The following SPEF2 variants were observed in gnomAD, a reference collection of about 807,000 sequenced individuals.
The protein encoded by SPEF2 is sperm flagellar and cilia associated 2.
Under a neutral mutation model 224.6 loss-of-function variants are expected in SPEF2, and 187 were observed. The observed-to-expected ratio is 0.83, with a 90% CI of 0.74 to 0.94. SPEF2 has a LOEUF of 0.94. Ranked by LOEUF, SPEF2 falls within the 40% of genes least tolerant of loss-of-function variation. The pLI, the probability that SPEF2 is intolerant of heterozygous loss-of-function variation, is 0.00. For missense variants in SPEF2, 2,170 were observed against 2,135.6 expected, an observed-to-expected ratio of 1.02 and a Z score of -0.32; for synonymous variants, 715 against 707.3, an observed-to-expected ratio of 1.01 and a Z score of -0.17.
rs1748353741 is a variant in SPEF2 at position 35,652,546 on chromosome 5, C to G, written c.792-1994C>G. Among the ~76,000 whole-genome samples, 4 of 151,892 alleles carry G rather than the reference C, an allele frequency of 2.6e-5. No individual in the cohort carries two copies. In the South Asian group the frequency reaches 8.3e-4, roughly 32 times the overall value. On this transcript the variant is annotated intron_variant, in intron 6 of 36. Transcript: ENST00000356031. ...GACAGAATACAATCAAAGGTTGAGCCCCGGCTGATAAAATGATTGGAACTT... is the reference window on the plus strand; with the variant it reads ...GACAGAATACAATCAAAGGTTGAGCGCCGGCTGATAAAATGATTGGAACTT...
intron 3 of SPEF2, chr5:35,643,389 G>A (rs1261762405): frequency 1.7e-5 from 7 of 422,312 alleles, no homozygotes; most frequent in Admixed American, 1.6e-4. Flanking sequence ...AAGGACTTTG[G>A]AGATGAGGAA....
chr5:35,644,716 AC>A (rs1747104226), intron 4 of SPEF2, among the ~76,000 whole-genome samples, 191 bp downstream of exon 4: 1 of 151,442 alleles, frequency 6.6e-6, no homozygotes, highest in South Asian at 2.1e-4. Context: ...ACTCTTGCTG[AC>A]TCTCACCTCT....
intron 23 of SPEF2, among the ~76,000 whole-genome samples, chr5:35,751,048 T>C (rs1311745508): frequency 1.0e-3 from 62 of 59,172 alleles, no homozygotes; most frequent in African/African-American, 1.5e-3. Flanking sequence ...CATATGTATA[T>C]ATATATACGT....
At chr5:35,625,768 G>A (rs1254839129) in intron 1 of SPEF2, among the ~76,000 whole-genome samples, 1 of 152,138 alleles carries the variant, frequency 6.6e-6, no homozygotes, top group Non-Finnish European at 1.5e-5. Flanking sequence ...AGAGCACCCT[G>A]GGTGGCACAT....
In SPEF2 at chr5:35,692,721, C is replaced by T. The variant is rs1754702448; in HGVS notation, c.1896C>T (p.Ser632=). The change falls in exon 12 of 37, where the codon AGC becomes AGT. Residue 632 remains serine, a synonymous_variant. Coordinates refer to ENST00000356031, the MANE Select transcript of SPEF2 (RefSeq NM_024867.4). ...LPVLQEEIKE[S]QDPQHVFSAG... is the part of the protein sequence containing the mutation. ...TTCTGCAAGAGGAGATTAAAGAAAG[C>T]CAGGCAAGTGTGATTCTAGTTTTCT... is the stretch of plus-strand genomic sequence containing the variant. 1 of 1,611,136 alleles carries T rather than the reference C, an allele frequency of 6.2e-7. No individual in the cohort carries two copies. The highest frequency in any genetic ancestry group is 8.5e-7 in the Non-Finnish European group (1 of 1,179,206).
At position 35,714,197 on chromosome 5, in the gene SPEF2, G is replaced by C. The variant is rs530992448; in HGVS notation, c.2914+1311G>C. 2.0e-5 allele frequency among the ~76,000 whole-genome samples: 3 copies of C among 150,648 alleles called. No individual in the cohort carries two copies. In the South Asian group the frequency reaches 6.3e-4, roughly 31 times the overall value. ...TACTTTGTTCTAAATTGTATCTCATGCAAGGGATTTTAATTCTTATGACTT... is the reference window on the plus strand; with the variant it reads ...TACTTTGTTCTAAATTGTATCTCATCCAAGGGATTTTAATTCTTATGACTT... On this transcript the variant is annotated intron_variant, in intron 20 of 36. Coordinates refer to ENST00000356031, the MANE Select transcript of SPEF2 (RefSeq NM_024867.4).
intron 12 of SPEF2, 30 bp downstream of exon 12, chr5:35,692,754 G>A (rs187572299): frequency 1.1e-4 from 174 of 1,597,226 alleles, no homozygotes; most frequent in Middle Eastern, 6.7e-4. Flanking sequence ...TCTCTTCTGC[G>A]CCTAGTACAT....
chr5:35,618,756 G>T (rs1743025518), intron 1 of SPEF2, among the ~76,000 whole-genome samples: 1 of 152,096 alleles, frequency 6.6e-6, no homozygotes, highest in Non-Finnish European at 1.5e-5. Flanking sequence ...TAACCATGCA[G>T]TTGCCACCCA....
chr5:35,795,437 A>G (rs1756534418), intron 32 of SPEF2, among the ~76,000 whole-genome samples: 1 of 152,236 alleles, frequency 6.6e-6, no homozygotes, highest in African/African-American at 2.4e-5. Context: ...ATCTATGGAT[A>G]CTTATTTATA....
intron 34 of SPEF2, among the ~76,000 whole-genome samples, chr5:35,804,752 G>A (rs1757858555): frequency 6.6e-6 from 1 of 152,104 alleles, no homozygotes; most frequent in Non-Finnish European, 1.5e-5. Flanking sequence ...GCTTACATCA[G>A]GCCTTTGGAA....
intron 23 of SPEF2, among the ~76,000 whole-genome samples, chr5:35,747,356 G>A (rs953872963): frequency 6.6e-6 from 1 of 152,200 alleles, no homozygotes; most frequent in African/African-American, 2.4e-5. Flanking sequence ...AACATTGAAT[G>A]TAAATGGCCT....
intron 24 of SPEF2, among the ~76,000 whole-genome samples, chr5:35,755,761 C>T (rs916730549): frequency 3.3e-5 from 5 of 152,106 alleles, no homozygotes; most frequent in African/African-American, 9.7e-5. Context: ...AGGCGCCCAC[C>T]ACCACGCCTG....
At chr5:35,765,852 G>C (rs1169718128) in intron 26 of SPEF2, among the ~76,000 whole-genome samples, 1 of 151,972 alleles carries the variant, frequency 6.6e-6, no homozygotes, top group Non-Finnish European at 1.5e-5. Context: ...GTTTTTTCAT[G>C]AATTGTATTC....
intron 20 of SPEF2, among the ~76,000 whole-genome samples, chr5:35,722,516 G>T (rs1743889919): frequency 6.7e-6 from 1 of 149,010 alleles, no homozygotes; most frequent in South Asian, 2.2e-4. Context: ...TAAGTTTTAG[G>T]GTACATGTGC....
At chr5:35,792,853 A>G (rs1272605170) in intron 31 of SPEF2, among the ~76,000 whole-genome samples, 1 of 152,254 alleles carries the variant, frequency 6.6e-6, no homozygotes, top group Non-Finnish European at 1.5e-5. Flanking sequence ...GCACAGGCAC[A>G]GCTATAATTT....
chr5:35,671,249 G>C, intron 10 of SPEF2: 1 of 982,456 alleles, frequency 1.0e-6, no homozygotes, highest in Non-Finnish European at 1.2e-6. Flanking sequence ...ACAAAGAAAA[G>C]TGCAAAATAA....
chr5:35,676,828 A>G (rs1320295831), intron 10 of SPEF2, among the ~76,000 whole-genome samples: 1 of 152,196 alleles, frequency 6.6e-6, no homozygotes, highest in Non-Finnish European at 1.5e-5. Flanking sequence ...GATCCAAGAA[A>G]GTGTTTAAAT....
intron 21 of SPEF2, 59 bp from the exon 22 acceptor site, chr5:35,739,860 T>C: frequency 6.3e-7 from 1 of 1,594,956 alleles, no homozygotes; most frequent in Non-Finnish European, 8.5e-7. Context: ...CTTTTGACAC[T>C]ATTATTCAGA....
intron 2 of SPEF2, chr5:35,632,889 C>A (rs1026228066): frequency 7.2e-5 from 11 of 152,026 alleles, no homozygotes; most frequent in African/African-American, 1.7e-4. Flanking sequence ...TTATTTATTT[C>A]TAATTTAATT....
Sources: allele counts gnomAD v4.1 joint callset (sites outside exome capture counted in the v4.1 genomes callset), GRCh38; gene constraint gnomAD v4.1.1; transcripts MANE v1.5; gene names NCBI Gene and HGNC (gene_info 2026-07-23, HGNC 2026-07-21).